CLIP1: variants seen among roughly 807,000 people sequenced by gnomAD.
CLIP1 encodes CAP-Gly domain-containing linker protein 1.
A neutral mutation model predicts 161.6 loss-of-function variants in CLIP1; 66 were observed. That is an observed-to-expected ratio of 0.41 (90% confidence interval 0.33 to 0.50). CLIP1 has a LOEUF of 0.50. Among genes scored for constraint, CLIP1 ranks in the 20% least tolerant of loss-of-function variants. The pLI is 0.27. For synonymous variants in CLIP1, 598 were observed against 626.2 expected (o/e 0.96, Z 0.67); for missense variants, 1,376 against 1,702.0 (o/e 0.81, Z 3.37).
chr12:122,372,171 A>G (rs1954483904), intron 3 of CLIP1, among the ~76,000 whole-genome samples: 1 of 152,082 alleles, frequency 6.6e-6, no homozygotes, highest in Non-Finnish European at 1.5e-5. Context: ...CTGTAATCCC[A>G]ATGCTTTGGG....
intron 20 of CLIP1, among the ~76,000 whole-genome samples, chr12:122,290,722 G>C (rs904904834): frequency 6.6e-5 from 10 of 152,084 alleles, no homozygotes; most frequent in Non-Finnish European, 1.2e-4. Flanking sequence ...CCATGTGCCT[G>C]AATTTCCAAG....
chr12:122,354,483 T>C lies in CLIP1; in HGVS notation c.1277A>G (p.Glu426Gly), dbSNP rs1449553498. 6.2e-7 allele frequency: 1 copy of C among 1,613,816 alleles called. No individual in the cohort carries two copies. The highest frequency in any genetic ancestry group is 1.1e-5 in the South Asian group (1 of 91,078). ...CTCCTCTTCAAGCTGGTTGAGAAGC[T>C]CCACCTTCTCCCTGTCAGCAGCTTC... ...MVEAADREKVELLNQLEEEKR... is the reference protein window; with the variant it reads ...MVEAADREKVGLLNQLEEEKR... Residue 426 changes from glutamate to glycine, a missense_variant, in exon 7 of 26, where the codon GAG (glutamate) becomes GGG (glycine). Glu to Gly is a moderately conservative substitution (Grantham distance 98). Coordinates refer to ENST00000620786, the MANE Select transcript of CLIP1 (RefSeq NM_001247997.2).
intron 2 of CLIP1, among the ~76,000 whole-genome samples, chr12:122,380,034 G>A (rs922414040): frequency 2.6e-5 from 4 of 151,402 alleles, no homozygotes; most frequent in Admixed American, 6.6e-5. Context: ...CACGAGGTCA[G>A]GAGATCGAGA....
At chr12:122,299,729 G>A (rs573369018) in intron 20 of CLIP1, among the ~76,000 whole-genome samples, 66 of 149,658 alleles carry the variant, frequency 4.4e-4, no homozygotes, top group African/African-American at 1.5e-3. Flanking sequence ...ATCCTGGCTA[G>A]CACGGTGAAA....
At chr12:122,390,324 T>A (rs191847961) in intron 1 of CLIP1, among the ~76,000 whole-genome samples, 1,656 of 139,016 alleles carry the variant, frequency 0.012, 14 homozygotes, top group Non-Finnish European at 0.019. Flanking sequence ...ATATATTATT[T>A]TTTTTTTAAA....
At chr12:122,405,949 C>T (rs1207223193) in intron 1 of CLIP1, among the ~76,000 whole-genome samples, 1 of 151,974 alleles carries the variant, frequency 6.6e-6, no homozygotes, top group Admixed American at 6.6e-5. Context: ...CTCCGGTAAT[C>T]CCAGCTACTC....
chr12:122,307,845 A>C (rs1441633490), intron 20 of CLIP1, among the ~76,000 whole-genome samples: 4 of 152,188 alleles, frequency 2.6e-5, no homozygotes, highest in Admixed American at 6.5e-5. Flanking sequence ...TGTTTTTCAC[A>C]ATCTCCATCA....
chr12:122,339,477 A>G (rs1952392665), intron 11 of CLIP1, among the ~76,000 whole-genome samples: 1 of 152,064 alleles, frequency 6.6e-6, no homozygotes, highest in South Asian at 2.1e-4. Flanking sequence ...AGCTGGGACT[A>G]CAGACGCACA....
At chr12:122,349,644 T>C (rs1363254251) in intron 9 of CLIP1, among the ~76,000 whole-genome samples, 1 of 152,208 alleles carries the variant, frequency 6.6e-6, no homozygotes, top group African/African-American at 2.4e-5. Flanking sequence ...TGTAAAATCA[T>C]TCCTTTCTTA....
intron 21 of CLIP1, among the ~76,000 whole-genome samples, chr12:122,281,251 C>T (rs561358609): frequency 5.3e-5 from 8 of 152,252 alleles, no homozygotes; most frequent in South Asian, 2.1e-4. Context: ...GGCATCAGTG[C>T]GGGTAAATTA....
chr12:122,409,924 G>A (rs1956467612), intron 1 of CLIP1, among the ~76,000 whole-genome samples: 1 of 149,818 alleles, frequency 6.7e-6, no homozygotes, highest in Admixed American at 6.7e-5. Context: ...AGGCTGGAGT[G>A]CAGTGGTGAG....
intron 18 of CLIP1, among the ~76,000 whole-genome samples, chr12:122,317,914 T>C (rs1951333357): frequency 6.6e-6 from 1 of 152,210 alleles, no homozygotes; most frequent in Non-Finnish European, 1.5e-5. Context: ...CAGTTCCCCC[T>C]GGTTCCACTG....
intron 1 of CLIP1, among the ~76,000 whole-genome samples, chr12:122,416,398 T>C (rs540736364): frequency 8.5e-5 from 13 of 152,304 alleles, no homozygotes; most frequent in African/African-American, 3.1e-4. Context: ...GTGTGGACTT[T>C]TAGGCAAATT....
chr12:122,375,767 T>C (rs919062650), intron 3 of CLIP1, among the ~76,000 whole-genome samples: 2 of 151,114 alleles, frequency 1.3e-5, no homozygotes, highest in African/African-American at 4.9e-5. Context: ...TATAAACACA[T>C]CTAAGTTCAC....
intron 4 of CLIP1, among the ~76,000 whole-genome samples, chr12:122,361,830 A>C (rs1475976258): frequency 2.6e-5 from 4 of 152,214 alleles, no homozygotes; most frequent in Admixed American, 6.5e-5. Flanking sequence ...ACTCTGTCTC[A>C]AAACAAACAA....
chr12:122,346,179 G>C (rs2136391446), intron 10 of CLIP1, among the ~76,000 whole-genome samples: 1 of 152,278 alleles, frequency 6.6e-6, no homozygotes, highest in South Asian at 2.1e-4. Context: ...AAATGTCCTA[G>C]ATGCAAATCC....
intron 2 of CLIP1, among the ~76,000 whole-genome samples, 164 bp downstream of exon 2, chr12:122,380,204 C>A (rs1954951255): frequency 6.6e-6 from 1 of 151,268 alleles, no homozygotes; most frequent in South Asian, 2.1e-4. Context: ...GATTGCGCCA[C>A]TGCACTCCAG....
chr12:122,338,576 G>A (rs372472499), intron 11 of CLIP1, among the ~76,000 whole-genome samples: 1 of 152,034 alleles, frequency 6.6e-6, no homozygotes, highest in East Asian at 1.9e-4. Context: ...AATGAGCCAG[G>A]CATGATGGCG....
chr12:122,346,926 T>C (rs1952780475), intron 10 of CLIP1, among the ~76,000 whole-genome samples: 1 of 152,196 alleles, frequency 6.6e-6, no homozygotes, highest in Non-Finnish European at 1.5e-5. Context: ...CATGTTTCCA[T>C]TTCCTTCTCC....
Sources: allele counts gnomAD v4.1 joint callset (sites outside exome capture counted in the v4.1 genomes callset), GRCh38; gene constraint gnomAD v4.1.1; transcripts MANE v1.5; gene names NCBI Gene and HGNC (gene_info 2026-07-23, HGNC 2026-07-21).